FAF1: variants seen among roughly 807,000 people sequenced by gnomAD.
FAF1 encodes Fas associated factor 1, also known as FAS-associated factor 1.
In FAF1, 25 loss-of-function variants were observed where a neutral mutation model predicts 92.5. That is an observed-to-expected ratio of 0.27 (90% CI 0.20 to 0.38). The LOEUF is 0.38. Among genes scored for constraint, FAF1 ranks in the 10% least tolerant of loss-of-function variants. The probability of loss-of-function intolerance (pLI) is 1.00; values close to 1 mark genes in which losing one functional copy is unlikely to be tolerated. For synonymous variants in FAF1, 234 were observed against 273.2 expected (o/e 0.86, Z 1.42); for missense variants, 636 against 793.3 (o/e 0.80, Z 2.38).
intron 15 of FAF1, among the ~76,000 whole-genome samples, chr1:50,529,030 T>C (rs1304311126): frequency 1.3e-5 from 2 of 152,218 alleles, no homozygotes; most frequent in Non-Finnish European, 2.9e-5. Flanking sequence ...GTAAGACTTC[T>C]GGTTATCAGT....
intron 8 of FAF1, among the ~76,000 whole-genome samples, chr1:50,655,164 G>A (rs529634818): frequency 6.6e-6 from 1 of 152,118 alleles, no homozygotes; most frequent in Admixed American, 6.6e-5. Context: ...TGGGATTAGA[G>A]GCGGCCGCCA....
chr1:50,884,788 G>A (rs925681557), intron 1 of FAF1, among the ~76,000 whole-genome samples: 4 of 152,046 alleles, frequency 2.6e-5, no homozygotes, highest in Admixed American at 2.0e-4. Flanking sequence ...TGGCCTTGTA[G>A]AATGAGTTTG....
At chr1:50,549,410 G>C (rs1269876312) in intron 13 of FAF1, among the ~76,000 whole-genome samples, 1 of 151,532 alleles carries the variant, frequency 6.6e-6, no homozygotes, top group Non-Finnish European at 1.5e-5. Context: ...CTGGGCTCAA[G>C]CGATCCTTCT....
At chr1:50,874,758 C>CT (rs755424291) in intron 1 of FAF1, among the ~76,000 whole-genome samples, 3,294 of 67,332 alleles carry the variant, frequency 0.049, 600 homozygotes, top group Non-Finnish European at 0.065. Flanking sequence ...TCTTTTCTTT[C>CT]TTTTTTTTTT....
intron 2 of FAF1, among the ~76,000 whole-genome samples, chr1:50,819,768 TATATATATACATATATATAC>T (rs1225484858): frequency 1.3e-5 from 1 of 74,236 alleles, no homozygotes; most frequent in African/African-American, 5.3e-5. Context: ...TATATACGTA[TATATATATACATATATATAC>T]ATATATATAT....
intron 7 of FAF1, among the ~76,000 whole-genome samples, chr1:50,662,900 C>A (rs2124317183): frequency 6.6e-6 from 1 of 151,254 alleles, no homozygotes; most frequent in South Asian, 2.1e-4. Flanking sequence ...TGGGGTTTCA[C>A]CATTCACAGG....
chr1:50,766,323 C>T (rs976860552), intron 4 of FAF1, among the ~76,000 whole-genome samples: 1 of 152,110 alleles, frequency 6.6e-6, no homozygotes, highest in Admixed American at 6.6e-5. Flanking sequence ...TAAGCCATTA[C>T]CCCCTAGAAT....
intron 14 of FAF1, among the ~76,000 whole-genome samples, chr1:50,538,466 T>C (rs1278476710): frequency 6.6e-6 from 1 of 151,614 alleles, no homozygotes; most frequent in Non-Finnish European, 1.5e-5. Flanking sequence ...TTTTGTGTTA[T>C]GGCTTTGATT....
rs370452298 is a variant in FAF1 at position 50,788,113 on chromosome 1, C to G, written c.254G>C (p.Arg85Pro). 201 of 1,614,004 alleles carry G rather than the reference C, an allele frequency of 1.2e-4. 1 individual carries two copies. The highest frequency in any genetic ancestry group is 5.8e-4 in the South Asian group (53 of 91,072). ...AATCTGCCTGGATGGCATTACAGGTCGAAACGCTGAAGAAGAAGAGGAAGT... is the reference window on the plus strand; with the variant it reads ...AATCTGCCTGGATGGCATTACAGGTGGAAACGCTGAAGAAGAAGAGGAAGT... ...APTSSSSSAF[R>P]PVMPSRQIVE... The change falls in exon 4 of 19, where the codon CGA (arginine) becomes CCA (proline). Residue 85 changes from arginine to proline, a missense_variant. Around this residue, in one of 2 missense-constraint regions of FAF1, gnomAD observed 317 missense variants for 342.4 expected, o/e 0.93. Coordinates refer to ENST00000396153, the MANE Select transcript of FAF1 (RefSeq NM_007051.3).
chr1:50,690,980 T>A (rs573231174), intron 7 of FAF1, among the ~76,000 whole-genome samples: 16 of 152,342 alleles, frequency 1.1e-4, no homozygotes, highest in African/African-American at 3.8e-4. Flanking sequence ...TATCCATTCA[T>A]TCATTAGTGG....
At chr1:50,547,063 A>AT (rs35559371) in intron 13 of FAF1, among the ~76,000 whole-genome samples, 10,473 of 145,236 alleles carry the variant, frequency 0.072, 451 homozygotes, top group Non-Finnish European at 0.1. Context: ...TAATTTTCGT[A>AT]TTTTTTTTTT....
chr1:50,907,385 C>G (rs1285691963), intron 1 of FAF1, among the ~76,000 whole-genome samples: 1 of 152,190 alleles, frequency 6.6e-6, no homozygotes, highest in African/African-American at 2.4e-5. Context: ...CAGGATGACG[C>G]TGGCCTCATA....
At chr1:50,918,844 T>G (rs1033478536) in intron 1 of FAF1, among the ~76,000 whole-genome samples, 2 of 145,842 alleles carry the variant, frequency 1.4e-5, no homozygotes, top group Non-Finnish European at 3.0e-5. Flanking sequence ...CCACATCCTC[T>G]CCAGCACCTG....
chr1:50,775,677 G>GAAGA lies in FAF1; in HGVS notation c.367+12319_367+12322dup, dbSNP rs541415348. 2.6e-4 allele frequency among the ~76,000 whole-genome samples: 39 copies of GAAGA among 151,840 alleles called. 1 individual carries two copies. The South Asian group carries it at 7.5e-3, about 29-fold the overall frequency. On this transcript the variant is annotated intron_variant, in intron 4 of 18. Coordinates refer to ENST00000396153, the MANE Select transcript of FAF1 (RefSeq NM_007051.3). ...ACTATATAGAAAAGATGGACTAAAG[G>GAAGA]AAGAAAGAAACGAACATATGGAAAT...
At chr1:50,731,479 CCTGCCT>C (rs1658919936) in intron 6 of FAF1, among the ~76,000 whole-genome samples, 4 of 151,288 alleles carry the variant, frequency 2.6e-5, no homozygotes, top group Non-Finnish European at 5.9e-5. Flanking sequence ...ACGCCATTCT[CCTGCCT>C]CAGCCTCCCC....
intron 3 of FAF1, among the ~76,000 whole-genome samples, chr1:50,798,332 A>G (rs758992001): frequency 1.4e-4 from 21 of 152,252 alleles, no homozygotes; most frequent in Non-Finnish European, 2.9e-4. Context: ...AATAAAACAA[A>G]TATGAGTTAA....
intron 15 of FAF1, among the ~76,000 whole-genome samples, chr1:50,515,149 T>C (rs1405577854): frequency 1.3e-5 from 2 of 152,160 alleles, no homozygotes; most frequent in Non-Finnish European, 2.9e-5. Flanking sequence ...GAGATACATA[T>C]ATAAGCTTAG....
intron 13 of FAF1, among the ~76,000 whole-genome samples, chr1:50,542,273 A>C (rs576932114): frequency 3.9e-5 from 6 of 152,328 alleles, no homozygotes; most frequent in African/African-American, 1.4e-4. Context: ...ACAGTATGAA[A>C]TTGTAAAAAT....
chr1:50,543,841 C>A (rs1316406109), intron 13 of FAF1, among the ~76,000 whole-genome samples: 1 of 151,710 alleles, frequency 6.6e-6, no homozygotes, highest in African/African-American at 2.4e-5. Context: ...TGCATTTGTA[C>A]AATACCACAA....
Sources: allele counts gnomAD v4.1 joint callset (sites outside exome capture counted in the v4.1 genomes callset), GRCh38; gene constraint gnomAD v4.1.1; regional missense constraint gnomAD v4.1.1; transcripts MANE v1.5; gene names NCBI Gene and HGNC (gene_info 2026-07-23, HGNC 2026-07-21).